The following ENTPD5 variants were observed in gnomAD, a reference collection of about 807,000 sequenced individuals.
ENTPD5 encodes the protein ectonucleoside triphosphate diphosphohydrolase 5 (inactive).
A neutral mutation model predicts 60.2 loss-of-function variants in ENTPD5; 49 were observed. The observed-to-expected ratio is 0.81, with a 90% CI of 0.65 to 1.03. The LOEUF (loss-of-function observed/expected upper bound fraction) is 1.03, where lower values mean the gene tolerates loss of function less well. Ranked by LOEUF, ENTPD5 falls within the 50% of genes least tolerant of loss-of-function variation. The pLI is 0.00. For missense variants in ENTPD5, 480 were observed against 507.6 expected, an observed-to-expected ratio of 0.95 and a Z score of 0.52; for synonymous variants, 187 against 185.4, an observed-to-expected ratio of 1.01 and a Z score of -0.07.
Position 73,966,904 on chromosome 14 carries a change from A to G in ENTPD5, c.*24T>C, listed in dbSNP as rs1193436395. 6.3e-7 allele frequency: 1 copy of G among 1,588,286 alleles called. No individual in the cohort carries two copies. The highest frequency in any genetic ancestry group is 1.7e-5 in the Admixed American group (1 of 59,830). On this transcript the variant is annotated 3_prime_UTR_variant, in exon 16 of 16. Coordinates refer to ENST00000334696, the MANE Select transcript of ENTPD5 (RefSeq NM_001249.5). ...CCCTTAAAAAGGTGTTGGCAAATGC[A>G]GGTCTCCAAGGAAGTACGTGGCCTC...
At chr14:73,956,817 T>C (rs1352221558), downstream of ENTPD5, 1 of 152,190 alleles carries the variant, frequency 6.6e-6, no homozygotes, top group Non-Finnish European at 1.5e-5. Flanking sequence ...GGAAGTAACT[T>C]AAATGCTTTT....
At chr14:73,971,747 T>C in intron 14 of ENTPD5, 105 bp downstream of exon 14, 1 of 752,332 alleles carries the variant, frequency 1.3e-6, no homozygotes, top group Non-Finnish European at 2.3e-6. Context: ...ACTAGCCTTC[T>C]GATAGGCCTT....
At chr14:73,979,020 C>G (rs1290374106) in intron 6 of ENTPD5, among the ~76,000 whole-genome samples, 8 of 152,184 alleles carry the variant, frequency 5.3e-5, no homozygotes, top group African/African-American at 1.9e-4. Context: ...CTCCTTACCT[C>G]TCATATCGCT....
chr14:74,002,975 G>A (rs975899129), intron 3 of ENTPD5, among the ~76,000 whole-genome samples: 43 of 152,064 alleles, frequency 2.8e-4, no homozygotes, highest in African/African-American at 9.9e-4. Context: ...TAGGGCCTTC[G>A]CTCTAAGCTG....
chr14:73,955,985 C>G, downstream of ENTPD5: 1 of 1,608,910 alleles, frequency 6.2e-7, no homozygotes, highest in Non-Finnish European at 8.5e-7. Flanking sequence ...TTAGGACTTA[C>G]TGGAAGAAAG....
chr14:73,974,998 G>C lies in ENTPD5; in HGVS notation c.723-13C>G, dbSNP rs1047347246. 1.2e-6 allele frequency: 2 copies of C among 1,601,982 alleles called. No homozygotes were observed. The highest frequency in any genetic ancestry group is 2.7e-5 in the African/African-American group (2 of 74,670). ...AAATCCCAGGTAACTGTAAAATACA[G>C]GATTGACTAATTTCATGCTGGTCCT... is the stretch of plus-strand genomic sequence containing the variant. On this transcript the variant is annotated splice_polypyrimidine_tract_variant and intron_variant, in intron 10 of 15. Transcript: ENST00000334696.
chr14:73,955,981 C>T, downstream of ENTPD5: 1 of 1,609,966 alleles, frequency 6.2e-7, no homozygotes. Context: ...CTGCTTAGGA[C>T]TTACTGGAAG....
chr14:73,962,814 C>T, downstream of ENTPD5: 1 of 654,432 alleles, frequency 1.5e-6, no homozygotes, highest in South Asian at 1.9e-5. Flanking sequence ...GAGACCCTGT[C>T]TCTAAAACGT....
intron 3 of ENTPD5, among the ~76,000 whole-genome samples, chr14:73,990,454 C>T (rs1229344582): frequency 6.6e-6 from 1 of 151,844 alleles, no homozygotes; most frequent in Non-Finnish European, 1.5e-5. Flanking sequence ...TCCTCCTTAG[C>T]CTCCCGAGTA....
intron 3 of ENTPD5, among the ~76,000 whole-genome samples, chr14:73,989,870 G>A (rs1267517715): frequency 6.7e-6 from 1 of 148,260 alleles, no homozygotes; most frequent in East Asian, 2.0e-4. Context: ...AGCCGGGCTT[G>A]GTGGCAGGTG....
Position 73,976,305 on chromosome 14 carries a change from T to C in ENTPD5, c.642+19A>G. The C allele has an allele frequency of 6.2e-7, 1 of 1,609,470 alleles. No homozygotes were observed. Among genetic ancestry groups the C allele is most frequent in the Non-Finnish European group, 8.5e-7 (1 of 1,175,742 alleles). ...CCTGCCAAGTGCACTTCTAACCAGATCTTCATTAAATGACTCACCTCAAAC... is the reference window on the plus strand; with the variant it reads ...CCTGCCAAGTGCACTTCTAACCAGACCTTCATTAAATGACTCACCTCAAAC... On this transcript the variant is annotated intron_variant, in intron 9 of 15. Transcript: ENST00000334696.
intron 3 of ENTPD5, chr14:73,996,093 C>T (rs557648963): frequency 6.2e-6 from 6 of 967,440 alleles, no homozygotes; most frequent in Admixed American, 6.1e-5. Flanking sequence ...ACCTGGGCCC[C>T]ATTCATGTGC....
chr14:74,017,672 G>A (rs1272501045), intron 1 of ENTPD5, among the ~76,000 whole-genome samples: 2 of 151,834 alleles, frequency 1.3e-5, no homozygotes, highest in East Asian at 3.9e-4. Flanking sequence ...GATCACCTGA[G>A]GCCAGGAGTT....
At chr14:73,976,194 C>A in intron 9 of ENTPD5, 130 bp downstream of exon 9, 1 of 859,494 alleles carries the variant, frequency 1.2e-6, no homozygotes, top group Admixed American at 2.2e-5. Flanking sequence ...GAACATTCAC[C>A]TAGTTATTAA....
intron 3 of ENTPD5, among the ~76,000 whole-genome samples, chr14:74,006,759 A>AT (rs138912905): frequency 0.3 from 45,772 of 151,282 alleles, 8,895 homozygotes; most frequent in Non-Finnish European, 0.42. Context: ...GAATTTTCAA[A>AT]TTTTTTATAG....
Position 73,973,013 on chromosome 14 carries a change from A to C in ENTPD5, c.898T>G (p.Phe300Val), listed in dbSNP as rs779224123. ...YGGNQEGEVG[F>V]EPCYAEVLRV... ...AGCACTTCGGCATAGCAGGGCTCAA[A>C]GCCCACCTCCCCTGCCAGGCAAAGG... is the stretch of plus-strand genomic sequence containing the variant. Residue 300 changes from phenylalanine to valine, a missense_variant, in exon 13 of 16, where the codon TTT becomes GTT. Transcript: ENST00000334696. 3 of 1,614,158 alleles carry C rather than the reference A, an allele frequency of 1.9e-6. No individual in the cohort carries two copies. Among genetic ancestry groups the C allele is most frequent in the Non-Finnish European group, 2.5e-6 (3 of 1,179,998 alleles).
Position 73,970,065 on chromosome 14 carries a change from TAGCTGAGATCCATGC to T in ENTPD5, c.1130_1144del (p.Cys377_Ser381del), listed in dbSNP as rs767405969. ...GCCATCCTTTAACAGGGCTGTGATG[TAGCTGAGATCCATGC>T]ACAGGAAAGGACTGCCTGAGGTGAA... On this transcript the variant is annotated inframe_deletion, in exon 15 of 16. Transcript: ENST00000334696. 1 of 1,614,026 alleles carries T rather than the reference TAGCTGAGATCCATGC, an allele frequency of 6.2e-7. No homozygotes were observed. The highest frequency in any genetic ancestry group is 8.5e-7 in the Non-Finnish European group (1 of 1,179,912).
intron 3 of ENTPD5, among the ~76,000 whole-genome samples, chr14:73,989,127 G>T (rs1048659638): frequency 1.3e-5 from 2 of 151,760 alleles, no homozygotes; most frequent in Non-Finnish European, 2.9e-5. Flanking sequence ...CAGCCACTTT[G>T]CTTTTAATTA....
chr14:74,016,645 C>A (rs1420291951), intron 1 of ENTPD5, among the ~76,000 whole-genome samples: 1 of 151,974 alleles, frequency 6.6e-6, no homozygotes, highest in Non-Finnish European at 1.5e-5. Context: ...AAAAAACCAT[C>A]AAAAAACCCA....
Sources: allele counts gnomAD v4.1 joint callset (sites outside exome capture counted in the v4.1 genomes callset), GRCh38; gene constraint gnomAD v4.1.1; transcripts MANE v1.5; gene names NCBI Gene and HGNC (gene_info 2026-07-23, HGNC 2026-07-21).